DOCK1: variants seen among roughly 807,000 people sequenced by gnomAD.
DOCK1 encodes dedicator of cytokinesis 1.
Under a neutral mutation model 262.7 loss-of-function variants are expected in DOCK1, and 138 were observed. The ratio of observed to expected loss-of-function variants is 0.53; its 90% CI spans 0.46 to 0.61. The LOEUF (loss-of-function observed/expected upper bound fraction) is 0.61. Ranked by LOEUF, DOCK1 falls within the 20% of genes least tolerant of loss-of-function variation. The probability of loss-of-function intolerance (pLI) is 0.00; values close to 1 mark genes in which losing one functional copy is unlikely to be tolerated. For missense variants in DOCK1, 1,908 were observed against 2,370.7 expected, an observed-to-expected ratio of 0.80 and a Z score of 4.05; for synonymous variants, 866 against 867.4, an observed-to-expected ratio of 1.00 and a Z score of 0.03.
chr10:126,982,034 C>CTT, intron 4 of DOCK1, 61 bp downstream of exon 4: 1 of 1,565,324 alleles, frequency 6.4e-7, no homozygotes, highest in Non-Finnish European at 8.8e-7. Flanking sequence ...CCTTGCTGCT[C>CTT]TTTTGTACGA....
At chr10:127,000,412 A>G (rs962644465) in intron 10 of DOCK1, 105 bp downstream of exon 10, 3 of 1,433,100 alleles carry the variant, frequency 2.1e-6, no homozygotes, top group Non-Finnish European at 2.8e-6. Flanking sequence ...TGTGATTTAT[A>G]AGCTTTTCTG....
At chr10:127,280,035 A>ATATATATATATATAT (rs2060894873) in intron 29 of DOCK1, among the ~76,000 whole-genome samples, 2 of 59,784 alleles carry the variant, frequency 3.3e-5, no homozygotes, top group Admixed American at 1.5e-4. Context: ...TATATATATA[A>ATATATATATATATAT]TTTTTTTTTT....
intron 51 of DOCK1, among the ~76,000 whole-genome samples, chr10:127,450,176 T>C (rs563899165): frequency 2.2e-4 from 34 of 152,228 alleles, no homozygotes; most frequent in African/African-American, 7.2e-5. Flanking sequence ...CAGCTTTACT[T>C]TTCCACATTT....
At chr10:127,183,361 T>C (rs1259187258) in intron 27 of DOCK1, among the ~76,000 whole-genome samples, 1 of 152,192 alleles carries the variant, frequency 6.6e-6, no homozygotes, top group Non-Finnish European at 1.5e-5. Context: ...ACCATCAGAA[T>C]GGATCCCTCT....
Position 127,316,837 on chromosome 10 carries a change from T to G in DOCK1, c.3045-22169T>G, listed in dbSNP as rs1308861309. ...CTGCCCCACTGGATCCCAGGTACAC[T>G]CGTGGCCATGTGTGTGGGTGGGCTT... On this transcript the variant is annotated intron_variant, in intron 29 of 51. Transcript: ENST00000623213. Among the ~76,000 whole-genome samples, 4 of 152,056 alleles carry G rather than the reference T, an allele frequency of 2.6e-5. No homozygotes were observed. The East Asian group carries it at 7.7e-4, about 29-fold the overall frequency.
At chr10:127,162,691 G>A (rs2053690599) in intron 27 of DOCK1, among the ~76,000 whole-genome samples, 1 of 152,150 alleles carries the variant, frequency 6.6e-6, no homozygotes, top group African/African-American at 2.4e-5. Flanking sequence ...AACAAGCCTA[G>A]TTATTTCTAC....
At chr10:127,073,019 G>T (rs1190839887) in intron 23 of DOCK1, among the ~76,000 whole-genome samples, 1 of 152,180 alleles carries the variant, frequency 6.6e-6, no homozygotes, top group Non-Finnish European at 1.5e-5. Flanking sequence ...TACTAGGCCT[G>T]CAAACGCTCA....
intron 27 of DOCK1, among the ~76,000 whole-genome samples, chr10:127,133,718 G>A (rs1458939307): frequency 1.3e-5 from 2 of 152,172 alleles, no homozygotes. Context: ...TGCAAAACCA[G>A]ACTGCCTTAA....
chr10:126,961,314 G>A (rs941142277), intron 1 of DOCK1, among the ~76,000 whole-genome samples: 13 of 152,256 alleles, frequency 8.5e-5, no homozygotes, highest in Middle Eastern at 3.4e-3. Context: ...GGGGCCAGGC[G>A]CGGTGGCTCA....
At chr10:126,928,365 G>A (rs2033927127) in intron 1 of DOCK1, among the ~76,000 whole-genome samples, 1 of 152,214 alleles carries the variant, frequency 6.6e-6, no homozygotes, top group African/African-American at 2.4e-5. Context: ...AGTGGAGCCC[G>A]CAGCCTGACT....
intron 15 of DOCK1, 94 bp downstream of exon 15, chr10:127,024,877 G>A: frequency 1.8e-6 from 2 of 1,129,190 alleles, no homozygotes; most frequent in Non-Finnish European, 2.5e-6. Context: ...CTCAGCCCGG[G>A]AGCTGCTCCA....
chr10:126,927,978 C>T (rs1476051978), intron 1 of DOCK1, among the ~76,000 whole-genome samples: 1 of 152,072 alleles, frequency 6.6e-6, no homozygotes, highest in Admixed American at 6.5e-5. Flanking sequence ...ACCCAGGTGC[C>T]ACCTGGTCTG....
At chr10:126,906,423 T>A (rs1011477911) in intron 1 of DOCK1, among the ~76,000 whole-genome samples, 2 of 152,140 alleles carry the variant, frequency 1.3e-5, no homozygotes, top group African/African-American at 4.8e-5. Flanking sequence ...CTCTTCGTGA[T>A]CTGCGCGCCT....
chr10:127,184,332 C>T (rs565116770), intron 27 of DOCK1, among the ~76,000 whole-genome samples: 12 of 150,174 alleles, frequency 8.0e-5, no homozygotes, highest in Admixed American at 3.3e-4. Flanking sequence ...AGTCTAATCC[C>T]CCAAATCAGT....
chr10:127,210,816 A>G (rs2057941401), intron 27 of DOCK1, among the ~76,000 whole-genome samples: 1 of 152,198 alleles, frequency 6.6e-6, no homozygotes, highest in Admixed American at 6.5e-5. Context: ...GCATTGTTCT[A>G]GGTGTCACTG....
chr10:127,379,466 A>G (rs1362064472), intron 35 of DOCK1, among the ~76,000 whole-genome samples: 1 of 152,238 alleles, frequency 6.6e-6, no homozygotes, highest in East Asian at 1.9e-4. Context: ...TGTCTTGTGT[A>G]GACTGTTTGA....
chr10:127,146,654 A>C (rs1490973035), intron 27 of DOCK1, among the ~76,000 whole-genome samples: 2 of 152,172 alleles, frequency 1.3e-5, no homozygotes, highest in Non-Finnish European at 2.9e-5. Flanking sequence ...CAGAGCACTA[A>C]ACATTAGGCA....
chr10:127,212,825 A>T (rs2058042929), intron 27 of DOCK1, among the ~76,000 whole-genome samples: 1 of 151,846 alleles, frequency 6.6e-6, no homozygotes, highest in Non-Finnish European at 1.5e-5. Flanking sequence ...AAAAAAAAAA[A>T]AGGATGGAGA....
At chr10:127,380,809 ATTG>A (rs1217232069) in intron 36 of DOCK1, among the ~76,000 whole-genome samples, 1 of 152,156 alleles carries the variant, frequency 6.6e-6, no homozygotes, top group Non-Finnish European at 1.5e-5. Flanking sequence ...TATTTCTAAG[ATTG>A]TTTTTACTTC....
Sources: gnomAD v4.1 joint callset for allele counts (sites outside exome capture counted in the v4.1 genomes callset) on GRCh38, gnomAD v4.1.1 for gene constraint, MANE v1.5 for transcripts, NCBI Gene and HGNC (gene_info 2026-07-23, HGNC 2026-07-21) for gene names.